Variants in TCF12 observed in about 807,000 individuals in gnomAD.
TCF12 encodes DNA-binding protein HTF4.
In TCF12, 45 loss-of-function variants were observed where a neutral mutation model predicts 86.0. The observed-to-expected ratio is 0.52, with a 90% CI of 0.41 to 0.67. TCF12 has a LOEUF of 0.67. Among genes scored for constraint, TCF12 ranks in the 30% least tolerant of loss-of-function variants. The probability of loss-of-function intolerance (pLI) is 0.00; values close to 1 mark genes in which losing one functional copy is unlikely to be tolerated. For missense variants in TCF12, 881 were observed against 859.9 expected, an observed-to-expected ratio of 1.02 and a Z score of -0.31; for synonymous variants, 330 against 299.6, an observed-to-expected ratio of 1.10 and a Z score of -1.05.
At chr15:56,949,979 C>G (rs563162088) in intron 3 of TCF12, among the ~76,000 whole-genome samples, 33 of 152,266 alleles carry the variant, frequency 2.2e-4, no homozygotes, top group Non-Finnish European at 1.5e-5. Flanking sequence ...TAGCCATTAG[C>G]AATATGTGGT....
At chr15:57,129,710 C>T (rs866886404) in intron 5 of TCF12, 1 of 152,166 alleles carries the variant, frequency 6.6e-6, no homozygotes, top group Non-Finnish European at 1.5e-5. Flanking sequence ...TGTATCTAAT[C>T]CCCCAGCACA....
intron 3 of TCF12, among the ~76,000 whole-genome samples, chr15:56,939,977 T>G (rs986462097): frequency 1.9e-4 from 19 of 100,946 alleles, no homozygotes; most frequent in African/African-American, 3.4e-4. Context: ...GTTTTTTTTT[T>G]TTTTTTTTTT....
At chr15:57,112,016 C>A (rs2050527210) in intron 5 of TCF12, among the ~76,000 whole-genome samples, 1 of 152,154 alleles carries the variant, frequency 6.6e-6, no homozygotes, top group African/African-American at 2.4e-5. Flanking sequence ...AATCTAACTT[C>A]ATAGTGATCA....
At chr15:56,999,522 G>GT (rs1479513119) in intron 3 of TCF12, among the ~76,000 whole-genome samples, 1 of 152,116 alleles carries the variant, frequency 6.6e-6, no homozygotes, top group East Asian at 1.9e-4. Flanking sequence ...CCTTGGGACA[G>GT]TAACTACCAA....
At chr15:57,069,491 C>T (rs1354570660) in intron 4 of TCF12, among the ~76,000 whole-genome samples, 2 of 152,140 alleles carry the variant, frequency 1.3e-5, no homozygotes, top group African/African-American at 2.4e-5. Flanking sequence ...TTTGCTCTTT[C>T]TTCCCTCTGT....
rs371701497 is a variant in TCF12, at chr15:57,091,663, GAACAAGA to G, written c.223-122_223-116del. Reference sequence around the variant, plus strand: ...TTCTGCTGTTAGCTTTTCAAATAATGAACAAGAAACTTGGTCAGAAATGACCATGTGT... The same window carrying G: ...TTCTGCTGTTAGCTTTTCAAATAATGAACTTGGTCAGAAATGACCATGTGT... On this transcript the variant is annotated intron_variant, in intron 4 of 20. Coordinates refer to ENST00000333725, the MANE Select transcript of TCF12 (RefSeq NM_207037.2). 3.3e-5 allele frequency: 17 copies of G among 522,068 alleles called. 1 individual carries two copies. The highest frequency in any genetic ancestry group is 2.9e-4 in the African/African-American group (15 of 52,144). 32.3% of individuals were successfully genotyped at this position (522,068 alleles called of 1,614,324 possible).
At chr15:57,276,627 A>T (rs1366556290) in intron 19 of TCF12, among the ~76,000 whole-genome samples, 2 of 152,196 alleles carry the variant, frequency 1.3e-5, no homozygotes, top group Admixed American at 6.5e-5. Flanking sequence ...CGGGTAAAAA[A>T]AATATTCTAA....
chr15:57,120,370 G>A (rs2151286822), intron 5 of TCF12, among the ~76,000 whole-genome samples: 1 of 152,272 alleles, frequency 6.6e-6, no homozygotes, highest in Middle Eastern at 3.4e-3. Context: ...TTGAAGATAG[G>A]ATGTCTTGAT....
rs2038385093 is a variant in TCF12 at position 57,231,206 on chromosome 15, C to T, written c.634C>T (p.Pro212Ser). The change falls in exon 9 of 21, where the codon CCA (proline) becomes TCA (serine). Residue 212 changes from proline to serine, a missense_variant. Coordinates refer to ENST00000333725, the MANE Select transcript of TCF12 (RefSeq NM_207037.2). ...DDFNRESPSY[P>S]SPKPPTSMFA... ...TTTCAACCGTGAATCTCCTAGTTATCCATCTCCTAAGCCACCAACCAGTAT... is the reference window on the plus strand; with the variant it reads ...TTTCAACCGTGAATCTCCTAGTTATTCATCTCCTAAGCCACCAACCAGTAT... The T allele has an allele frequency of 1.2e-6, 2 of 1,613,148 alleles. No homozygotes were observed. Among genetic ancestry groups the T allele is most frequent in the Non-Finnish European group, 1.7e-6 (2 of 1,179,402 alleles).
chr15:57,227,917 TAA>T (rs1432319147), intron 8 of TCF12, among the ~76,000 whole-genome samples: 1 of 152,120 alleles, frequency 6.6e-6, no homozygotes, highest in Non-Finnish European at 1.5e-5. Flanking sequence ...TTAATTATCT[TAA>T]AGCATATATA....
chr15:56,984,014 A>AAAAAAAAAAAAAAAAAAGAAGAAG (rs777234282), intron 3 of TCF12, among the ~76,000 whole-genome samples: 1 of 104,398 alleles, frequency 9.6e-6, no homozygotes, highest in African/African-American at 4.5e-5. Context: ...AAAAAAAAAA[A>AAAAAAAAAAAAAAAAAAGAAGAAG]AAGAAGAAGA....
At chr15:57,123,982 A>AAAAAAAAAAAAAAAAAC (rs1555511574) in intron 5 of TCF12, among the ~76,000 whole-genome samples, 1 of 111,214 alleles carries the variant, frequency 9.0e-6, no homozygotes, top group Admixed American at 9.1e-5. Context: ...AAAAAAAAAA[A>AAAAAAAAAAAAAAAAAC]TTTTTTTTTT....
At chr15:56,967,381 C>G (rs1316239823) in intron 3 of TCF12, among the ~76,000 whole-genome samples, 1 of 151,634 alleles carries the variant, frequency 6.6e-6, no homozygotes, top group Non-Finnish European at 1.5e-5. Flanking sequence ...AAATACTTGT[C>G]AAGGACATTT....
rs1268946306 is a variant in TCF12, at chr15:57,264,537, T to G, written c.1745+1263T>G. ...TTTCCTATTTTTAAAATTTTGTGGT[T>G]TTTTGTTTGTTTGTTTACTTTTCAA... is the stretch of plus-strand genomic sequence containing the variant. On this transcript the variant is annotated intron_variant, in intron 18 of 20. Transcript: ENST00000333725. 4.6e-5 allele frequency among the ~76,000 whole-genome samples: 7 copies of G among 151,934 alleles called. No individual in the cohort carries two copies. The East Asian group carries it at 1.3e-3, about 29-fold the overall frequency.
At chr15:57,233,295 C>G (rs1302283091) in intron 11 of TCF12, among the ~76,000 whole-genome samples, 4 of 151,914 alleles carry the variant, frequency 2.6e-5, no homozygotes, top group African/African-American at 7.2e-5. Flanking sequence ...CCTGCCTCAG[C>G]CTCCCCAGTA....
intron 3 of TCF12, among the ~76,000 whole-genome samples, chr15:56,952,338 GTT>G (rs537416711): frequency 8.6e-6 from 1 of 116,290 alleles, no homozygotes; most frequent in Non-Finnish European, 1.9e-5. Flanking sequence ...TTCCAGATTT[GTT>G]TTTTTTTTTT....
rs570843837 is a variant in TCF12, at chr15:57,203,055, G to A, written c.579+5230G>A. 4.6e-5 allele frequency among the ~76,000 whole-genome samples: 7 copies of A among 152,296 alleles called. No individual in the cohort carries two copies. In the South Asian group the frequency reaches 8.3e-4, roughly 18 times the overall value. ...TTATAGTGAAATAAAAAGTTTTCACGTTACCTCCACCTGTGTATATAATGT... is the reference window on the plus strand; with the variant it reads ...TTATAGTGAAATAAAAAGTTTTCACATTACCTCCACCTGTGTATATAATGT... On this transcript the variant is annotated intron_variant, in intron 8 of 20. Transcript: ENST00000333725.
intron 3 of TCF12, among the ~76,000 whole-genome samples, chr15:57,035,986 A>T (rs1426996005): frequency 6.6e-6 from 1 of 152,150 alleles, no homozygotes; most frequent in Non-Finnish European, 1.5e-5. Context: ...CTCACTCCTT[A>T]TGAAAATCTA....
At chr15:57,141,568 C>T (rs2052967664) in intron 5 of TCF12, among the ~76,000 whole-genome samples, 1 of 152,162 alleles carries the variant, frequency 6.6e-6, no homozygotes, top group South Asian at 2.1e-4. Flanking sequence ...GGGCTGGTCT[C>T]AAACTCCCGA....
Sources: allele counts gnomAD v4.1 joint callset (sites outside exome capture counted in the v4.1 genomes callset), GRCh38; gene constraint gnomAD v4.1.1; transcripts MANE v1.5; gene names NCBI Gene and HGNC (gene_info 2026-07-23, HGNC 2026-07-21).